PLPP1: variants seen among roughly 807,000 people sequenced by gnomAD.
The protein encoded by PLPP1 is phospholipid phosphatase 1.
In PLPP1, 24 loss-of-function variants were observed where a neutral mutation model predicts 31.2. That is an observed-to-expected ratio of 0.77 (90% CI 0.56 to 1.08). PLPP1 has a LOEUF of 1.08. PLPP1 is among the 50% of genes least tolerant of loss of function. The pLI, the probability that PLPP1 is intolerant of heterozygous loss-of-function variation, is 0.00. For missense variants in PLPP1, 319 were observed against 342.7 expected, an observed-to-expected ratio of 0.93 and a Z score of 0.55; for synonymous variants, 146 against 126.3, an observed-to-expected ratio of 1.16 and a Z score of -1.05.
intron 1 of PLPP1, among the ~76,000 whole-genome samples, chr5:55,526,807 A>C (rs10061782): frequency 0.88 from 133,748 of 151,614 alleles, 59,120 homozygotes; most frequent in South Asian, 0.92. Flanking sequence ...TGGCGCACAT[A>C]TGTAGTCCCA....
chr5:55,428,596 C>G (rs557488905), intron 4 of PLPP1, among the ~76,000 whole-genome samples: 51 of 152,316 alleles, frequency 3.3e-4, no homozygotes, highest in African/African-American at 1.2e-3. Flanking sequence ...ACATGACTTC[C>G]TTTAAAAGAA....
chr5:55,507,673 G>A (rs752186075), intron 1 of PLPP1, among the ~76,000 whole-genome samples: 5 of 152,248 alleles, frequency 3.3e-5, no homozygotes, highest in East Asian at 3.9e-4. Context: ...CCAAAGCCAC[G>A]TAGGTTGCAG....
At chr5:55,511,668 T>G (rs1753414806) in intron 1 of PLPP1, among the ~76,000 whole-genome samples, 6 of 126,242 alleles carry the variant, frequency 4.8e-5, no homozygotes, top group Non-Finnish European at 8.3e-5. Flanking sequence ...TTTTTTTTTT[T>G]TTTTTTTTTT....
chr5:55,525,247 C>A (rs1289539605), intron 1 of PLPP1, among the ~76,000 whole-genome samples: 1 of 152,204 alleles, frequency 6.6e-6, no homozygotes, highest in African/African-American at 2.4e-5. Context: ...ATACATCATG[C>A]ATATTAAGTG....
intron 3 of PLPP1, among the ~76,000 whole-genome samples, chr5:55,445,604 G>A (rs1751746856): frequency 7.5e-6 from 1 of 133,372 alleles, no homozygotes; most frequent in Non-Finnish European, 1.5e-5. Flanking sequence ...GAGTTCAGTG[G>A]CCCAATCTGA....
At chr5:55,524,139 T>C (rs1000963349) in intron 1 of PLPP1, among the ~76,000 whole-genome samples, 6 of 152,214 alleles carry the variant, frequency 3.9e-5, no homozygotes, top group Non-Finnish European at 8.8e-5. Context: ...TTAACATATG[T>C]CACAATGTTT....
At position 55,498,384 on chromosome 5, in the gene PLPP1, T is replaced by C. The variant is rs374570922; in HGVS notation, c.59-22934A>G. On this transcript the variant is annotated intron_variant, in intron 1 of 5. Coordinates refer to ENST00000307259, the MANE Select transcript of PLPP1 (RefSeq NM_003711.4). Reference sequence around the variant, plus strand: ...GTTATTCCTACACAACTGTGGATCGTGTCTCTGTGTACATATAGATGTGTG... The same window carrying C: ...GTTATTCCTACACAACTGTGGATCGCGTCTCTGTGTACATATAGATGTGTG... Among the ~76,000 whole-genome samples, 197 of 130,726 alleles carry C rather than the reference T, an allele frequency of 1.5e-3. 2 individuals carry two copies. The Middle Eastern group carries it at 0.026, about 17-fold the overall frequency. 85.8% of individuals were successfully genotyped at this position (130,726 alleles called of 152,430 possible).
At chr5:55,426,064 AAT>A (rs1751186107) in intron 4 of PLPP1, 25 bp from the exon 5 acceptor site, 8 of 1,551,446 alleles carry the variant, frequency 5.2e-6, no homozygotes, top group African/African-American at 1.4e-5. Context: ...TAAAGAAAAA[AAT>A]AGTTTATTTA....
intron 3 of PLPP1, among the ~76,000 whole-genome samples, chr5:55,443,234 C>CACACACACACAT (rs1321515341): frequency 8.0e-6 from 1 of 124,878 alleles, no homozygotes; most frequent in African/African-American, 3.0e-5. Flanking sequence ...CACACACACA[C>CACACACACACAT]ATATATATGA....
chr5:55,481,887 C>T (rs1367597168), intron 1 of PLPP1, among the ~76,000 whole-genome samples: 1 of 151,736 alleles, frequency 6.6e-6, no homozygotes, highest in East Asian at 1.9e-4. Flanking sequence ...GAAAATAAAA[C>T]TTTTTTCCAA....
chr5:55,441,763 TTTA>T (rs1451791506), intron 4 of PLPP1, 85 bp downstream of exon 4: 1 of 1,381,300 alleles, frequency 7.2e-7, no homozygotes, highest in Non-Finnish European at 1.0e-6. Flanking sequence ...TACTGGCTAA[TTTA>T]TTAGGACAGG....
At chr5:55,527,174 T>C (rs193112769) in intron 1 of PLPP1, among the ~76,000 whole-genome samples, 2 of 152,224 alleles carry the variant, frequency 1.3e-5, no homozygotes, top group East Asian at 3.9e-4. Flanking sequence ...AATACTTGTT[T>C]TTTCCCCCTT....
intron 1 of PLPP1, among the ~76,000 whole-genome samples, chr5:55,493,133 T>C (rs1195464550): frequency 6.6e-6 from 1 of 152,008 alleles, no homozygotes; most frequent in African/African-American, 2.4e-5. Context: ...GGCAACATAT[T>C]GAGACCTCGT....
intron 1 of PLPP1, among the ~76,000 whole-genome samples, chr5:55,475,977 TTTC>T (rs958842605): frequency 3.6e-5 from 2 of 56,108 alleles, no homozygotes; most frequent in Non-Finnish European, 9.1e-5. Context: ...GAACTTAAAG[TTTC>T]TTTTTTTTTT....
At chr5:55,479,096 C>G (rs1350260824) in intron 1 of PLPP1, among the ~76,000 whole-genome samples, 3 of 149,934 alleles carry the variant, frequency 2.0e-5, no homozygotes, top group Admixed American at 2.0e-4. Flanking sequence ...GCAATCTCGG[C>G]TCACTGCAAC....
chr5:55,461,940 A>T (rs1041991917), intron 3 of PLPP1, among the ~76,000 whole-genome samples: 20 of 149,540 alleles, frequency 1.3e-4, no homozygotes, highest in South Asian at 1.1e-3. Flanking sequence ...GAAATTGATT[A>T]AAAAAAAAAC....
chr5:55,520,906 G>C (rs1247447256), intron 1 of PLPP1, among the ~76,000 whole-genome samples: 1 of 152,304 alleles, frequency 6.6e-6, no homozygotes, highest in South Asian at 2.1e-4. Context: ...AGGGGAAATT[G>C]TTCTGAAATA....
At chr5:55,461,128 A>C (rs1752146042) in intron 3 of PLPP1, among the ~76,000 whole-genome samples, 1 of 152,156 alleles carries the variant, frequency 6.6e-6, no homozygotes, top group Non-Finnish European at 1.5e-5. Flanking sequence ...CCGGGAGGTC[A>C]AGGTTTCAGT....
chr5:55,493,403 T>C (rs560978018), intron 1 of PLPP1, among the ~76,000 whole-genome samples: 1 of 152,208 alleles, frequency 6.6e-6, no homozygotes, highest in East Asian at 1.9e-4. Context: ...TGCAATTCTA[T>C]GGTTTTTCAT....
Sources: gnomAD v4.1 joint callset for allele counts (sites outside exome capture counted in the v4.1 genomes callset) on GRCh38, gnomAD v4.1.1 for gene constraint, MANE v1.5 for transcripts, NCBI Gene and HGNC (gene_info 2026-07-23, HGNC 2026-07-21) for gene names.